DIP2C: variants seen among roughly 807,000 people sequenced by gnomAD.
DIP2C encodes disco-interacting protein 2 homolog C.
DIP2C carries 33 observed loss-of-function variants against 192.4 expected under a neutral mutation model. The ratio of observed to expected loss-of-function variants is 0.17; its 90% confidence interval spans 0.13 to 0.23. The LOEUF (loss-of-function observed/expected upper bound fraction) is 0.23. Among genes scored for constraint, DIP2C ranks in the 10% least tolerant of loss-of-function variants. The pLI, the probability that DIP2C is intolerant of heterozygous loss-of-function variation, is 1.00. For missense variants in DIP2C, 1,537 were observed against 2,110.1 expected (o/e 0.73, Z 5.32); for synonymous variants, 979 against 864.1 (o/e 1.13, Z -2.33).
rs937708275 is a variant in DIP2C at position 367,417 on chromosome 10, A to G, written c.2132-1006T>C. Among the ~76,000 whole-genome samples the G allele has an allele frequency of 1.2e-4, 15 of 126,514 alleles. No homozygotes were observed. The South Asian group carries it at 1.4e-3, about 12-fold the overall frequency. 83.0% of individuals were successfully genotyped at this position (126,514 alleles called of 152,430 possible). A position where few individuals can be genotyped will look rare whatever the true frequency, so the allele number is the denominator to read the frequency against. On this transcript the variant is annotated intron_variant, in intron 18 of 36. Transcript: ENST00000280886. ...GGGCGACAGCGAGACTCCGTCTCAGAAAAAAAAAAAAAAAAAGTTCACATT... is the reference window on the plus strand; with the variant it reads ...GGGCGACAGCGAGACTCCGTCTCAGGAAAAAAAAAAAAAAAAGTTCACATT...
At chr10:398,366 G>A (rs957454950) in intron 10 of DIP2C, among the ~76,000 whole-genome samples, 4 of 152,190 alleles carry the variant, frequency 2.6e-5, no homozygotes, top group Non-Finnish European at 5.9e-5. Context: ...TCAACCAACT[G>A]CCAATCAGAA....
intron 1 of DIP2C, among the ~76,000 whole-genome samples, chr10:594,164 A>G (rs1851563223): frequency 6.6e-6 from 1 of 152,192 alleles, no homozygotes; most frequent in African/African-American, 2.4e-5. Context: ...CTGGGAGAGA[A>G]CGGCCAGACA....
chr10:578,917 GCA>G (rs1850368439), intron 1 of DIP2C, among the ~76,000 whole-genome samples: 1 of 150,664 alleles, frequency 6.6e-6, no homozygotes, highest in African/African-American at 2.4e-5. Context: ...CACAGTGTGT[GCA>G]CATAGGCACA....
intron 22 of DIP2C, among the ~76,000 whole-genome samples, chr10:359,918 G>A (rs1314911558): frequency 6.6e-6 from 1 of 152,214 alleles, no homozygotes; most frequent in Non-Finnish European, 1.5e-5. Context: ...ACTGCGCCTG[G>A]CTGATGAAGC....
At chr10:407,358 C>T (rs901419233) in intron 9 of DIP2C, among the ~76,000 whole-genome samples, 6 of 152,122 alleles carry the variant, frequency 3.9e-5, no homozygotes, top group African/African-American at 1.4e-4. Flanking sequence ...GGGTTGCTTC[C>T]ACCATTTGGT....
At chr10:326,950 T>C (rs1338807683) in intron 31 of DIP2C, 56 bp downstream of exon 31, 2 of 1,571,140 alleles carry the variant, frequency 1.3e-6, no homozygotes, top group Non-Finnish European at 1.7e-6. Context: ...GTCTGTGCTG[T>C]ACCCACCCCG....
intron 1 of DIP2C, among the ~76,000 whole-genome samples, chr10:607,335 A>G (rs1421948791): frequency 2.6e-5 from 4 of 152,092 alleles, no homozygotes; most frequent in African/African-American, 4.8e-5. Context: ...CCACTGGGCT[A>G]AGAAGGCACA....
intron 32 of DIP2C, among the ~76,000 whole-genome samples, chr10:296,530 A>G (rs1955761605): frequency 6.6e-6 from 1 of 152,144 alleles, no homozygotes; most frequent in African/African-American, 2.4e-5. Flanking sequence ...CAGCCATCCC[A>G]TTACTGGGTA....
In DIP2C at chr10:366,300, G is replaced by C; in HGVS notation, c.2243C>G (p.Ser748Cys). 2 of 1,613,784 alleles carry C rather than the reference G, an allele frequency of 1.2e-6. No homozygotes were observed. The highest frequency in any genetic ancestry group is 1.7e-6 in the Non-Finnish European group (2 of 1,179,876). Residue 748 changes from serine to cysteine, a missense_variant, in exon 19 of 37, where the codon TCT (serine) becomes TGT (cysteine). Ser to Cys is a moderately radical substitution (Grantham distance 112, BLOSUM62 -1). Around this residue, in one of 4 missense-constraint regions of DIP2C, gnomAD observed 677 missense variants for 989.9 expected, o/e 0.68. Transcript: ENST00000280886. The stretch of plus-strand genomic sequence containing the variant: ...CTCAAAGGTGTTCTTGGTCATGCCA[G>C]AGAGGCCATAGTAGGACGTGCCCGT... ...VATGTSYYGL[S>C]GMTKNTFEVF... is the part of the protein sequence containing the mutation.
At chr10:330,650 G>GTTTTTTTTTTTTTTGTTTTTTTTTT (rs566210340) in intron 29 of DIP2C, among the ~76,000 whole-genome samples, 1 of 141,396 alleles carries the variant, frequency 7.1e-6, no homozygotes, top group African/African-American at 2.6e-5. Context: ...CACCATGCTT[G>GTTTTTTTTTTTTTTGTTTTTTTTTT]TTTTTTTTTT....
At chr10:617,501 G>A (rs1393555843) in intron 1 of DIP2C, among the ~76,000 whole-genome samples, 3 of 152,150 alleles carry the variant, frequency 2.0e-5, no homozygotes, top group Non-Finnish European at 4.4e-5. Flanking sequence ...ATCCTTCTAT[G>A]CACCCTCTGC....
At chr10:346,652 A>C (rs78813316) in intron 26 of DIP2C, among the ~76,000 whole-genome samples, 7,371 of 24,958 alleles carry the variant, frequency 0.3, 24 homozygotes, top group East Asian at 0.33. Context: ...CAACCCAGAC[A>C]TATCGCGTAT....
chr10:357,574 T>C (rs929764771), intron 23 of DIP2C, among the ~76,000 whole-genome samples: 7 of 152,158 alleles, frequency 4.6e-5, no homozygotes, highest in Non-Finnish European at 1.0e-4. Context: ...TCTTATGAAA[T>C]TATATGGTCT....
At chr10:521,038 AAG>A (rs1367701749) in intron 1 of DIP2C, among the ~76,000 whole-genome samples, 1 of 152,240 alleles carries the variant, frequency 6.6e-6, no homozygotes, top group Non-Finnish European at 1.5e-5. Context: ...TACAAAAATC[AAG>A]AGAAGTATTT....
rs145808885 is a variant in DIP2C, at chr10:379,887, G to A, written c.1991+2760C>T. Among the ~76,000 whole-genome samples, 793 of 151,044 alleles carry A rather than the reference G, an allele frequency of 5.3e-3. 3 individuals carry two copies. Among genetic ancestry groups the A allele is most frequent in the East Asian group, 0.012 (61 of 5,096 alleles). On this transcript the variant is annotated intron_variant, in intron 17 of 36. Transcript: ENST00000280886. ...AGGCTGTCCCTGGAAGATGGTTAAC[G>A]TGCAGAAGAGGCTGTCCCTGGATGA...
At chr10:390,497 C>T (rs2132948135) in intron 11 of DIP2C, 124 bp from the exon 12 acceptor site, 1 of 1,102,500 alleles carries the variant, frequency 9.1e-7, no homozygotes, top group Non-Finnish European at 1.3e-6. Flanking sequence ...TGTCTCCGGA[C>T]TTCACGAGAT....
intron 1 of DIP2C, among the ~76,000 whole-genome samples, chr10:507,288 G>A (rs1314803777): frequency 6.6e-6 from 1 of 150,982 alleles, no homozygotes; most frequent in Non-Finnish European, 1.5e-5. Flanking sequence ...GACGTATGAG[G>A]TTACAGACCT....
Position 481,325 on chromosome 10 carries a change from C to T in DIP2C, c.157+5134G>A, listed in dbSNP as rs77391445. Among the ~76,000 whole-genome samples the T allele has an allele frequency of 7.6e-3, 1,156 of 152,296 alleles. 11 individuals are homozygous for T. The highest frequency in any genetic ancestry group is 0.026 in the African/African-American group (1,095 of 41,554). On this transcript the variant is annotated intron_variant, in intron 2 of 36. Coordinates refer to ENST00000280886, the MANE Select transcript of DIP2C (RefSeq NM_014974.3). ...AACCAAAGTGCAAAATTCACAAATG[C>T]CAACTGCAGGGACCTCCTCCCTCAC...
intron 36 of DIP2C, among the ~76,000 whole-genome samples, chr10:278,624 C>T (rs1245514963): frequency 6.6e-6 from 1 of 152,244 alleles, no homozygotes; most frequent in African/African-American, 2.4e-5. Context: ...GGCTGCCATA[C>T]AGCCATGGCT....
Sources: gnomAD v4.1 joint callset for allele counts (sites outside exome capture counted in the v4.1 genomes callset) on GRCh38, gnomAD v4.1.1 for gene constraint, gnomAD v4.1.1 regional missense constraint, MANE v1.5 for transcripts, NCBI Gene and HGNC (gene_info 2026-07-23, HGNC 2026-07-21) for gene names.